ZSWIM5: variants seen among roughly 807,000 people sequenced by gnomAD.
ZSWIM5 encodes the protein zinc finger SWIM domain-containing protein 5.
In ZSWIM5, 55 loss-of-function variants were observed where a neutral mutation model predicts 119.6. The ratio of observed to expected loss-of-function variants is 0.46; its 90% CI spans 0.37 to 0.58. ZSWIM5 has a LOEUF of 0.58. Ranked by LOEUF, ZSWIM5 falls within the 20% of genes least tolerant of loss-of-function variation. The pLI, the probability that ZSWIM5 is intolerant of heterozygous loss-of-function variation, is 0.00. For synonymous variants in ZSWIM5, 537 were observed against 606.9 expected (o/e 0.88, Z 1.69); for missense variants, 1,193 against 1,512.8 (o/e 0.79, Z 3.51).
chr1:45,042,379 T>C (rs1193083586), intron 6 of ZSWIM5, among the ~76,000 whole-genome samples: 1 of 152,256 alleles, frequency 6.6e-6, no homozygotes, highest in African/African-American at 2.4e-5. Context: ...ATGTATATTC[T>C]TTCACATGCT....
rs781505706 is a variant in ZSWIM5 at position 45,019,181 on chromosome 1, T to C, written c.2831A>G (p.Glu944Gly). The C allele has an allele frequency of 6.2e-7, 1 of 1,613,678 alleles. No individual in the cohort carries two copies. Among genetic ancestry groups the C allele is most frequent in the Non-Finnish European group, 8.5e-7 (1 of 1,180,002 alleles). The change falls in exon 14 of 14, where the codon GAG becomes GGG. Residue 944 changes from glutamate (E) to glycine (G), a missense_variant. Glu to Gly is a moderately conservative substitution (Grantham distance 98). Coordinates refer to ENST00000359600, the MANE Select transcript of ZSWIM5 (RefSeq NM_020883.2). This position sits in a 1 kb window ranked among gnomAD's most constrained non-coding sequence, Gnocchi z 5.0. ...LRLSLDYPQR[E>G]ELASCARTLA... The stretch of plus-strand genomic sequence containing the variant: ...TGTGCGAGCACAGCTAGCCAGTTCC[T>C]CCCGCTGTGGATAGTCAAGACTGAG...
chr1:45,016,468 C>CACAG lies in ZSWIM5; in HGVS notation c.*1985_*1986insCTGT, dbSNP rs1644854250. 1 of 152,202 alleles carries CACAG rather than the reference C, an allele frequency of 6.6e-6. No individual in the cohort carries two copies. The allele number at this position is 152,202 out of a possible 1,614,324, so 9.4% of individuals were successfully genotyped here. A position where few individuals can be genotyped will look rare whatever the true frequency, so the allele number is the denominator to read the frequency against. On this transcript the variant is annotated 3_prime_UTR_variant, in exon 14 of 14. Coordinates refer to ENST00000359600, the MANE Select transcript of ZSWIM5 (RefSeq NM_020883.2). The stretch of plus-strand genomic sequence containing the variant: ...TAGAAAAGCACTGTGAATTCACACA[C>CACAG]TTGCTAAAAAAGGGCAACTGTGATA...
intron 1 of ZSWIM5, among the ~76,000 whole-genome samples, chr1:45,177,937 G>A (rs570710834): frequency 3.3e-5 from 5 of 151,996 alleles, no homozygotes; most frequent in African/African-American, 1.2e-4. Context: ...CCACAAGGGT[G>A]TTGGCCAGGC....
intron 1 of ZSWIM5, among the ~76,000 whole-genome samples, chr1:45,090,243 T>C (rs1162167532): frequency 1.3e-5 from 2 of 152,162 alleles, no homozygotes; most frequent in Non-Finnish European, 2.9e-5. Context: ...ACTGAAAACA[T>C]TCAGATTAAT....
At chr1:45,101,618 A>G (rs1645440081) in intron 1 of ZSWIM5, among the ~76,000 whole-genome samples, 1 of 152,194 alleles carries the variant, frequency 6.6e-6, no homozygotes, top group Non-Finnish European at 1.5e-5. Context: ...ACTATTCACA[A>G]TAGCAAAGAC....
chr1:45,144,824 C>A (rs1645751167), intron 1 of ZSWIM5, among the ~76,000 whole-genome samples: 1 of 152,112 alleles, frequency 6.6e-6, no homozygotes, highest in Non-Finnish European at 1.5e-5. Context: ...AGTTGGATTT[C>A]ATTAACATTA....
intron 1 of ZSWIM5, among the ~76,000 whole-genome samples, chr1:45,102,561 G>A (rs551299556): frequency 9.4e-4 from 143 of 152,166 alleles, no homozygotes; most frequent in Non-Finnish European, 8.7e-4. Flanking sequence ...AGGGAGTTAT[G>A]TATATCTTTT....
Position 45,019,373 on chromosome 1 carries a change from C to A in ZSWIM5, c.2696-57G>T, listed in dbSNP as rs1644874167. 1.9e-6 allele frequency: 3 copies of A among 1,551,186 alleles called. No individual in the cohort carries two copies. Among genetic ancestry groups the A allele is most frequent in the Non-Finnish European group, 2.6e-6 (3 of 1,154,114 alleles). On this transcript the variant is annotated intron_variant, in intron 13 of 13. Transcript: ENST00000359600. This position sits in a 1 kb window ranked among gnomAD's most constrained non-coding sequence, Gnocchi z 5.0. ...CATCTGGGTCCTGATTCAGGTCTAC[C>A]CAGATTACCATTTGGGGTTTGAACT...
intron 11 of ZSWIM5, among the ~76,000 whole-genome samples, chr1:45,029,657 C>A (rs968438040): frequency 5.3e-5 from 8 of 152,154 alleles, no homozygotes; most frequent in African/African-American, 1.9e-4. Context: ...CCGACTGCAG[C>A]TATTTTAGGT....
At chr1:45,092,543 C>T (rs1017382216) in intron 1 of ZSWIM5, among the ~76,000 whole-genome samples, 2 of 94,854 alleles carry the variant, frequency 2.1e-5, no homozygotes, top group African/African-American at 3.8e-5. Context: ...GATCCACCCC[C>T]CCCCCCCCGC....
chr1:45,058,540 G>A (rs1423809041), intron 4 of ZSWIM5, 69 bp downstream of exon 4: 25 of 1,585,976 alleles, frequency 1.6e-5, no homozygotes, highest in Non-Finnish European at 2.0e-5. Context: ...GATGGCAAGG[G>A]CTCATAAACA....
chr1:45,101,635 C>G (rs1407023355), intron 1 of ZSWIM5, among the ~76,000 whole-genome samples: 1 of 152,166 alleles, frequency 6.6e-6, no homozygotes, highest in African/African-American at 2.4e-5. Context: ...AGACTTGGAA[C>G]CAACCCAAAT....
rs999514720 is a variant in ZSWIM5, at chr1:45,206,059, C to G, written c.292G>C (p.Val98Leu). 1.9e-6 allele frequency: 3 copies of G among 1,611,020 alleles called. No individual in the cohort carries two copies. Among genetic ancestry groups the G allele is most frequent in the Non-Finnish European group, 2.5e-6 (3 of 1,179,048 alleles). The change falls in exon 1 of 14, where the codon GTC becomes CTC. Residue 98 changes from valine to leucine, a missense_variant. By Grantham distance (32) the Val-to-Leu change is conservative (BLOSUM62 1). This residue lies in a region of ZSWIM5 where 232 missense variants were observed against 222.9 expected (regional missense o/e 1.04). Transcript: ENST00000359600. ...TCATTCCGCGGGAAGGACCAGTAGA[C>G]GATGCGGCGCTGCACGGGCTCCGGG... is the stretch of plus-strand genomic sequence containing the variant. ...RIPEPVQRRI[V>L]YWSFPRNERE... is the part of the protein sequence containing the mutation.
chr1:45,177,404 T>A (rs1275758142), intron 1 of ZSWIM5, among the ~76,000 whole-genome samples: 6 of 152,098 alleles, frequency 3.9e-5, no homozygotes, highest in Non-Finnish European at 8.8e-5. Flanking sequence ...GAATTTAAGG[T>A]ACTTAAGTTT....
At chr1:45,151,445 T>C (rs1645796490) in intron 1 of ZSWIM5, among the ~76,000 whole-genome samples, 1 of 152,058 alleles carries the variant, frequency 6.6e-6, no homozygotes, top group South Asian at 2.1e-4. Flanking sequence ...ATTAAGTGCC[T>C]ATAATATACC....
chr1:45,146,431 CTTTTTTTT>C (rs35073818), intron 1 of ZSWIM5, among the ~76,000 whole-genome samples: 1 of 45,900 alleles, frequency 2.2e-5, no homozygotes, highest in African/African-American at 1.1e-4. Flanking sequence ...TGTTTCTAGA[CTTTTTTTT>C]TTTTTTTTTT....
At chr1:45,175,482 T>C (rs1003278640) in intron 1 of ZSWIM5, among the ~76,000 whole-genome samples, 1 of 152,044 alleles carries the variant, frequency 6.6e-6, no homozygotes, top group African/African-American at 2.4e-5. Flanking sequence ...CAGGGTTTCA[T>C]TCTGTCGCCC....
chr1:45,096,546 A>G (rs973605173), intron 1 of ZSWIM5, among the ~76,000 whole-genome samples: 1 of 151,168 alleles, frequency 6.6e-6, no homozygotes, highest in Non-Finnish European at 1.5e-5. Context: ...ACACACACAC[A>G]CACACACGCA....
Position 45,019,377 on chromosome 1 carries a change from ATT to A in ZSWIM5, c.2696-63_2696-62del. 1 of 1,548,022 alleles carries A rather than the reference ATT, an allele frequency of 6.5e-7. No individual in the cohort carries two copies. Among genetic ancestry groups the A allele is most frequent in the South Asian group, 1.2e-5 (1 of 82,210 alleles). ...TGGGTCCTGATTCAGGTCTACCCAG[ATT>A]ACCATTTGGGGTTTGAACTTGGCCT... is the stretch of plus-strand genomic sequence containing the variant. On this transcript the variant is annotated intron_variant, in intron 13 of 13. Transcript: ENST00000359600. The surrounding 1 kb of genome is among the most constrained non-coding windows in gnomAD (Gnocchi z 5.0).
Sources: gnomAD v4.1 joint callset for allele counts (sites outside exome capture counted in the v4.1 genomes callset) on GRCh38, gnomAD v4.1.1 for gene constraint, gnomAD v4.1.1 regional missense constraint, Gnocchi (gnomAD v3.1) non-coding constraint, MANE v1.5 for transcripts, NCBI Gene and HGNC (gene_info 2026-07-23, HGNC 2026-07-21) for gene names.